PARD3B: variants seen among roughly 807,000 people sequenced by gnomAD.
The protein encoded by PARD3B is partitioning defective 3 homolog B.
A neutral mutation model predicts 130.2 loss-of-function variants in PARD3B; 103 were observed. That is an observed-to-expected ratio of 0.79 (90% CI 0.67 to 0.93). The LOEUF is 0.93. Among genes scored for constraint, PARD3B ranks in the 40% least tolerant of loss-of-function variants. PARD3B has a pLI of 0.00. For missense variants in PARD3B, 1,609 were observed against 1,499.2 expected, an observed-to-expected ratio of 1.07 and a Z score of -1.21; for synonymous variants, 583 against 553.2, an observed-to-expected ratio of 1.05 and a Z score of -0.76.
chr2:205,244,179 G>A lies in PARD3B; in HGVS notation c.2141-1599G>A, dbSNP rs1274825148. Among the ~76,000 whole-genome samples, 4 of 152,158 alleles carry A rather than the reference G, an allele frequency of 2.6e-5. No individual in the cohort carries two copies. Among genetic ancestry groups the A allele is most frequent in the African/African-American group, 7.2e-5 (3 of 41,428 alleles). On this transcript the variant is annotated intron_variant, in intron 15 of 22. Transcript: ENST00000406610. This position sits in a 1 kb window ranked among gnomAD's most constrained non-coding sequence, Gnocchi z 4.7. ...AGAAAAGGAGGGCTAGGTGGGAGTGGGAAGATTATGTATAGTAACTGGGTC... is the reference window on the plus strand; with the variant it reads ...AGAAAAGGAGGGCTAGGTGGGAGTGAGAAGATTATGTATAGTAACTGGGTC...
intron 1 of PARD3B, among the ~76,000 whole-genome samples, chr2:204,644,624 T>C (rs1440208759): frequency 6.6e-6 from 1 of 152,138 alleles, no homozygotes; most frequent in Non-Finnish European, 1.5e-5. Flanking sequence ...TTTAATTGGA[T>C]ATTAATGTAT....
intron 2 of PARD3B, among the ~76,000 whole-genome samples, chr2:204,739,332 T>G (rs1388009649): frequency 6.6e-6 from 1 of 152,150 alleles, no homozygotes; most frequent in Admixed American, 6.6e-5. Context: ...TATTGAAATG[T>G]GTGTGTTGGT....
chr2:205,477,428 C>G (rs964179861), intron 20 of PARD3B, among the ~76,000 whole-genome samples: 8 of 152,106 alleles, frequency 5.3e-5, no homozygotes, highest in African/African-American at 1.9e-4. Context: ...TACAAATCCT[C>G]CTTTGATGTT....
intron 20 of PARD3B, among the ~76,000 whole-genome samples, chr2:205,481,578 C>T (rs569654043): frequency 2.6e-5 from 4 of 152,212 alleles, no homozygotes; most frequent in African/African-American, 9.6e-5. Flanking sequence ...ATGGGAGAAA[C>T]GAAGCCAACA....
intron 2 of PARD3B, among the ~76,000 whole-genome samples, chr2:204,762,116 ATTTTT>A (rs968166780): frequency 0.064 from 6,045 of 95,126 alleles, 83 homozygotes; most frequent in African/African-American, 0.11. Context: ...TTCTTTTTCT[ATTTTT>A]TTTTTTTTTT....
intron 2 of PARD3B, among the ~76,000 whole-genome samples, chr2:204,933,114 T>C (rs1688149323): frequency 6.6e-6 from 1 of 152,174 alleles, no homozygotes; most frequent in Non-Finnish European, 1.5e-5. Flanking sequence ...GGGACAGTAC[T>C]TGAAATAGTT....
At chr2:204,691,523 C>A (rs532815625) in intron 2 of PARD3B, among the ~76,000 whole-genome samples, 39 of 152,068 alleles carry the variant, frequency 2.6e-4, no homozygotes, top group Admixed American at 2.1e-3. Context: ...AGTTATCAGT[C>A]CTTGGGCAAG....
chr2:204,707,121 C>G (rs991606813), intron 2 of PARD3B, among the ~76,000 whole-genome samples: 1 of 152,172 alleles, frequency 6.6e-6, no homozygotes, highest in African/African-American at 2.4e-5. Flanking sequence ...AGAGTGGTTT[C>G]TCAGTGAACT....
In PARD3B at chr2:205,169,119, C is replaced by A. The variant is rs2035001905; in HGVS notation, c.1621-3092C>A. On this transcript the variant is annotated intron_variant, in intron 11 of 22. Coordinates refer to ENST00000406610, the MANE Select transcript of PARD3B (RefSeq NM_001302769.2). ...AGTGATTATATTCTAAATGTTAGGA[C>A]AACATGGTGCTTACTGGCATCGCCA... 1.3e-5 allele frequency among the ~76,000 whole-genome samples: 2 copies of A among 152,168 alleles called. 1 individual carries two copies. The highest frequency in any genetic ancestry group is 2.9e-5 in the Non-Finnish European group (2 of 68,044).
intron 16 of PARD3B, 99 bp downstream of exon 16, chr2:205,245,921 A>T: frequency 1.0e-6 from 1 of 973,978 alleles, no homozygotes; most frequent in Non-Finnish European, 1.6e-6. Flanking sequence ...TAGTCACTGA[A>T]AGGCTTTCTA....
chr2:205,113,633 TCC>T, intron 6 of PARD3B, 56 bp downstream of exon 6: 6 of 1,333,296 alleles, frequency 4.5e-6, no homozygotes, highest in Non-Finnish European at 6.3e-6. Flanking sequence ...TGATTTGAGC[TCC>T]TTTTCCCAAA....
At chr2:204,912,806 A>T (rs895847975) in intron 2 of PARD3B, among the ~76,000 whole-genome samples, 1 of 152,184 alleles carries the variant, frequency 6.6e-6, no homozygotes, top group African/African-American at 2.4e-5. Context: ...TTCTCTTAAC[A>T]TTACTGTAGA....
At chr2:205,347,896 T>C (rs2043850621) in intron 18 of PARD3B, 3 of 148,400 alleles carry the variant, frequency 2.0e-5, no homozygotes, top group Admixed American at 1.4e-4. Context: ...AGCTGAGAAA[T>C]AGGAGTGCAA....
intron 5 of PARD3B, among the ~76,000 whole-genome samples, chr2:205,113,144 A>T (rs981556273): frequency 3.9e-5 from 6 of 152,132 alleles, no homozygotes; most frequent in African/African-American, 1.4e-4. Context: ...AGCAATTTTC[A>T]AGTGTGTTTT....
chr2:204,737,306 C>T (rs2039802656), intron 2 of PARD3B, among the ~76,000 whole-genome samples: 1 of 152,188 alleles, frequency 6.6e-6, no homozygotes, highest in East Asian at 1.9e-4. Context: ...AGGGTGATAA[C>T]TCATTGTGGT....
At chr2:204,932,945 A>G (rs1395208784) in intron 2 of PARD3B, among the ~76,000 whole-genome samples, 3 of 152,126 alleles carry the variant, frequency 2.0e-5, no homozygotes, top group Non-Finnish European at 4.4e-5. Flanking sequence ...GTGAAGAATT[A>G]ATTGTAGAGG....
intron 10 of PARD3B, among the ~76,000 whole-genome samples, chr2:205,153,227 T>A (rs1464485049): frequency 6.6e-6 from 1 of 152,148 alleles, no homozygotes; most frequent in African/African-American, 2.4e-5. Context: ...TTAGGCTACT[T>A]GGGGGTCAGG....
At chr2:204,583,520 A>C (rs2032676451) in intron 1 of PARD3B, among the ~76,000 whole-genome samples, 1 of 123,150 alleles carries the variant, frequency 8.1e-6, no homozygotes, top group African/African-American at 3.0e-5. Flanking sequence ...GATATACCTA[A>C]TGCTAGATGA....
At chr2:204,572,027 C>T (rs1322565463) in intron 1 of PARD3B, among the ~76,000 whole-genome samples, 2 of 152,058 alleles carry the variant, frequency 1.3e-5, no homozygotes, top group Non-Finnish European at 2.9e-5. Flanking sequence ...ATCATTTTCT[C>T]CCCAAGATCA....
Sources: allele counts gnomAD v4.1 joint callset (sites outside exome capture counted in the v4.1 genomes callset), GRCh38; gene constraint gnomAD v4.1.1; non-coding constraint Gnocchi (gnomAD v3.1); transcripts MANE v1.5; gene names NCBI Gene and HGNC (gene_info 2026-07-23, HGNC 2026-07-21).